The following SEZ6L variants were observed in gnomAD, a reference collection of about 807,000 sequenced individuals.
SEZ6L encodes the protein seizure 6-like protein.
Under a neutral mutation model 106.2 loss-of-function variants are expected in SEZ6L, and 37 were observed. The observed-to-expected ratio is 0.35, with a 90% CI of 0.27 to 0.46. The LOEUF is 0.46. Among genes scored for constraint, SEZ6L ranks in the 20% least tolerant of loss-of-function variants. SEZ6L has a pLI of 1.00. For synonymous variants in SEZ6L, 541 were observed against 570.4 expected (o/e 0.95, Z 0.73); for missense variants, 1,172 against 1,332.8 (o/e 0.88, Z 1.88).
At chr22:26,180,793 A>G (rs1939339345) in intron 1 of SEZ6L, among the ~76,000 whole-genome samples, 1 of 152,254 alleles carries the variant, frequency 6.6e-6, no homozygotes, top group African/African-American at 2.4e-5. Flanking sequence ...AGTGGATTTA[A>G]GAGCAATAAG....
At chr22:26,181,799 T>G (rs1939416256) in intron 1 of SEZ6L, among the ~76,000 whole-genome samples, 1 of 152,128 alleles carries the variant, frequency 6.6e-6, no homozygotes, top group Non-Finnish European at 1.5e-5. Flanking sequence ...TAATAACATA[T>G]TATATCATTA....
chr22:26,322,043 T>C (rs578006697), intron 9 of SEZ6L, among the ~76,000 whole-genome samples: 2 of 152,300 alleles, frequency 1.3e-5, no homozygotes, highest in African/African-American at 4.8e-5. Context: ...GTGAACATTA[T>C]TATGCAGAGA....
At chr22:26,304,377 A>AAAG (rs1276993196) in intron 5 of SEZ6L, among the ~76,000 whole-genome samples, 4 of 75,640 alleles carry the variant, frequency 5.3e-5, no homozygotes, top group African/African-American at 1.7e-4. Flanking sequence ...AAGAAGAAAG[A>AAAG]AAGAAAGAAA....
At chr22:26,306,270 G>A in intron 6 of SEZ6L, 126 bp downstream of exon 6, 2 of 1,066,334 alleles carry the variant, frequency 1.9e-6, no homozygotes, top group Non-Finnish European at 2.7e-6. Flanking sequence ...AAGAGCTGGG[G>A]TGGATGGCAA....
rs2084106192 is a variant in SEZ6L at position 26,373,360 on chromosome 22, T to TAA, written c.2795-91_2795-90insAA. 15 of 1,097,436 alleles carry TAA rather than the reference T, an allele frequency of 1.4e-5. No individual in the cohort carries two copies. In the South Asian group the frequency reaches 2.1e-4, roughly 15 times the overall value. The allele number at this position is 1,097,436 out of a possible 1,614,324, so 68.0% of individuals were successfully genotyped here. A position where few individuals can be genotyped will look rare whatever the true frequency, so the allele number is the denominator to read the frequency against. ...CCACTAACTTCACCAAAGCATGGCA[T>TAA]GGGCTTTTGCATCAAATTTTTTGGC... On this transcript the variant is annotated intron_variant, in intron 13 of 16. Transcript: ENST00000248933.
At chr22:26,364,501 G>C (rs2083741348) in intron 12 of SEZ6L, among the ~76,000 whole-genome samples, 1 of 151,876 alleles carries the variant, frequency 6.6e-6, no homozygotes, top group African/African-American at 2.4e-5. Context: ...GCTTAAGCAG[G>C]GGAATTGCTT....
chr22:26,341,399 GCTCTACGA>G (rs2082832246), intron 10 of SEZ6L, among the ~76,000 whole-genome samples: 1 of 152,008 alleles, frequency 6.6e-6, no homozygotes, highest in African/African-American at 2.4e-5. Flanking sequence ...TTCATTACTA[GCTCTACGA>G]CCCACCCCTT....
chr22:26,330,037 C>T (rs1037617227), intron 9 of SEZ6L, among the ~76,000 whole-genome samples: 3 of 152,232 alleles, frequency 2.0e-5, no homozygotes, highest in Non-Finnish European at 4.4e-5. Context: ...CACTTAATTC[C>T]TCTGAGCCTC....
At chr22:26,331,098 C>T (rs1249258821) in intron 9 of SEZ6L, among the ~76,000 whole-genome samples, 1 of 152,238 alleles carries the variant, frequency 6.6e-6, no homozygotes, top group Non-Finnish European at 1.5e-5. Context: ...TCACCTACCA[C>T]CTGCTCCCCA....
At chr22:26,241,367 T>G (rs1367941158) in intron 1 of SEZ6L, 2 of 152,240 alleles carry the variant, frequency 1.3e-5, no homozygotes, top group Admixed American at 1.3e-4. Flanking sequence ...TAGCACCGAC[T>G]GTGTCTCACG....
At chr22:26,170,333 T>C (rs1210627145) in intron 1 of SEZ6L, among the ~76,000 whole-genome samples, 2 of 152,052 alleles carry the variant, frequency 1.3e-5, no homozygotes, top group East Asian at 1.9e-4. Context: ...TGGGTGTGGC[T>C]TTCGCTAGAG....
At chr22:26,293,765 A>G (rs1210692896) in intron 2 of SEZ6L, among the ~76,000 whole-genome samples, 2 of 152,242 alleles carry the variant, frequency 1.3e-5, no homozygotes, top group Non-Finnish European at 2.9e-5. Flanking sequence ...CTTCAAAGCC[A>G]CTAGCCTTTT....
In SEZ6L at chr22:26,186,129, C is replaced by A. The variant is rs781699962; in HGVS notation, c.94+16366C>A. Among the ~76,000 whole-genome samples the A allele has an allele frequency of 1.7e-4, 26 of 151,982 alleles. 1 individual carries two copies. Among genetic ancestry groups the A allele is most frequent in the Non-Finnish European group, 3.5e-4 (24 of 68,008 alleles). On this transcript the variant is annotated intron_variant, in intron 1 of 16. Coordinates refer to ENST00000248933, the MANE Select transcript of SEZ6L (RefSeq NM_021115.5). ...ACATGAATTATTGCTACCATCAGCC[C>A]TCCTTTCCGCTCCTACACTTGCAGG...
chr22:26,239,139 A>G (rs2079037345), intron 1 of SEZ6L, among the ~76,000 whole-genome samples: 1 of 152,198 alleles, frequency 6.6e-6, no homozygotes, highest in Non-Finnish European at 1.5e-5. Context: ...CGGGAGGATT[A>G]CATGAATCCA....
intron 9 of SEZ6L, 108 bp from the exon 10 acceptor site, chr22:26,340,328 A>G: frequency 1.0e-6 from 1 of 989,832 alleles, no homozygotes; most frequent in Non-Finnish European, 1.5e-6. Flanking sequence ...CTGGAGCCTG[A>G]CACATACACA....
chr22:26,171,280 A>G (rs1938587361), intron 1 of SEZ6L, among the ~76,000 whole-genome samples: 1 of 152,074 alleles, frequency 6.6e-6, no homozygotes, highest in African/African-American at 2.4e-5. Flanking sequence ...ATTTGGTTTA[A>G]ACAAATCGTT....
intron 11 of SEZ6L, among the ~76,000 whole-genome samples, chr22:26,349,689 G>A (rs971162954): frequency 6.6e-6 from 1 of 152,162 alleles, no homozygotes; most frequent in African/African-American, 2.4e-5. Context: ...TTTTTGTAGA[G>A]ACAGGGGTCT....
intron 1 of SEZ6L, among the ~76,000 whole-genome samples, chr22:26,175,951 G>A (rs1384951866): frequency 6.6e-6 from 1 of 152,248 alleles, no homozygotes; most frequent in Non-Finnish European, 1.5e-5. Context: ...GAGGAAGTAA[G>A]TGCTGGCATG....
At chr22:26,189,562 A>G (rs958264536) in intron 1 of SEZ6L, among the ~76,000 whole-genome samples, 5 of 151,456 alleles carry the variant, frequency 3.3e-5, no homozygotes, top group African/African-American at 1.2e-4. Flanking sequence ...TTAAAATTTA[A>G]AAACCAATAT....
Sources: gnomAD v4.1 joint callset for allele counts (sites outside exome capture counted in the v4.1 genomes callset) on GRCh38, gnomAD v4.1.1 for gene constraint, MANE v1.5 for transcripts, NCBI Gene and HGNC (gene_info 2026-07-23, HGNC 2026-07-21) for gene names.